The following CAMK1D variants were observed in gnomAD, a reference collection of about 807,000 sequenced individuals.
CAMK1D encodes calcium/calmodulin-dependent protein kinase type 1D.
Under a neutral mutation model 47.7 loss-of-function variants are expected in CAMK1D, and 9 were observed. The ratio of observed to expected loss-of-function variants is 0.19; its 90% CI spans 0.11 to 0.33. The LOEUF is 0.33. Ranked by LOEUF, CAMK1D falls within the 10% of genes least tolerant of loss-of-function variation. The probability of loss-of-function intolerance (pLI) is 1.00; values close to 1 mark genes in which losing one functional copy is unlikely to be tolerated. For synonymous variants in CAMK1D, 184 were observed against 184.9 expected (o/e 0.99, Z 0.04); for missense variants, 291 against 488.7 (o/e 0.60, Z 3.81).
chr10:12,762,464 T>G (rs1228324690), intron 4 of CAMK1D, among the ~76,000 whole-genome samples: 2 of 152,244 alleles, frequency 1.3e-5, no homozygotes, highest in Admixed American at 6.5e-5. Flanking sequence ...TTCTGCATGT[T>G]GTCATGTTCC....
chr10:12,752,421 G>A (rs979987738), intron 3 of CAMK1D, among the ~76,000 whole-genome samples: 1 of 152,164 alleles, frequency 6.6e-6, no homozygotes, highest in African/African-American at 2.4e-5. Context: ...CCTAGCATGT[G>A]GAATTATAGT....
At chr10:12,616,323 C>G (rs546949202) in intron 2 of CAMK1D, among the ~76,000 whole-genome samples, 1 of 152,270 alleles carries the variant, frequency 6.6e-6, no homozygotes, top group South Asian at 2.1e-4. Flanking sequence ...AGCGGGTTAT[C>G]TTGGACAGTA....
chr10:12,508,772 G>C (rs1050680260), intron 1 of CAMK1D, among the ~76,000 whole-genome samples: 1 of 152,154 alleles, frequency 6.6e-6, no homozygotes, highest in Non-Finnish European at 1.5e-5. Context: ...TGATAAAGCC[G>C]AGGGAGAGGG....
At chr10:12,469,108 G>T (rs1046231651) in intron 1 of CAMK1D, among the ~76,000 whole-genome samples, 1 of 152,214 alleles carries the variant, frequency 6.6e-6, no homozygotes, top group African/African-American at 2.4e-5. Flanking sequence ...AGGAAATGGG[G>T]TGAGGAGAGG....
At chr10:12,725,919 G>A (rs1278822488) in intron 3 of CAMK1D, among the ~76,000 whole-genome samples, 1 of 151,848 alleles carries the variant, frequency 6.6e-6, no homozygotes, top group African/African-American at 2.4e-5. Flanking sequence ...ATCACACCCA[G>A]CTAATTTTTG....
chr10:12,734,379 GATATAGATATAGATATAT>G (rs1835055239), intron 3 of CAMK1D, among the ~76,000 whole-genome samples: 1 of 45,560 alleles, frequency 2.2e-5, no homozygotes, highest in Admixed American at 3.0e-4. Flanking sequence ...TATATATATA[GATATAGATATAGATATAT>G]ATATATATAC....
chr10:12,520,950 G>C (rs1490628018), intron 1 of CAMK1D, among the ~76,000 whole-genome samples: 1 of 132,700 alleles, frequency 7.5e-6, no homozygotes, highest in Non-Finnish European at 1.6e-5. Flanking sequence ...GAGAGGGAGG[G>C]GGAGGGGGAG....
chr10:12,409,162 C>T (rs1306327917), intron 1 of CAMK1D, among the ~76,000 whole-genome samples: 2 of 152,024 alleles, frequency 1.3e-5, no homozygotes, highest in African/African-American at 4.8e-5. Flanking sequence ...CGGTTTTTGT[C>T]CATTTTTTAC....
chr10:12,449,827 C>A (rs1377531426), intron 1 of CAMK1D, among the ~76,000 whole-genome samples: 1 of 152,082 alleles, frequency 6.6e-6, no homozygotes, highest in East Asian at 1.9e-4. Flanking sequence ...GGCGAAACCC[C>A]ACCTCTACTA....
intron 1 of CAMK1D, among the ~76,000 whole-genome samples, chr10:12,361,455 C>T (rs2131841124): frequency 6.6e-6 from 1 of 151,510 alleles, no homozygotes; most frequent in South Asian, 2.1e-4. Flanking sequence ...CCATGTTGGC[C>T]AGGATGGTCT....
chr10:12,528,209 C>T (rs1455478573), intron 1 of CAMK1D, among the ~76,000 whole-genome samples: 1 of 152,094 alleles, frequency 6.6e-6, no homozygotes, highest in Non-Finnish European at 1.5e-5. Flanking sequence ...CTGTATGGCT[C>T]AAAAGTCCAC....
intron 3 of CAMK1D, among the ~76,000 whole-genome samples, chr10:12,739,197 C>G (rs1287356177): frequency 6.6e-6 from 1 of 151,422 alleles, no homozygotes; most frequent in Non-Finnish European, 1.5e-5. Context: ...TGATTGCGCC[C>G]CTGCACTCCA....
chr10:12,406,794 C>G (rs1166579733), intron 1 of CAMK1D, among the ~76,000 whole-genome samples: 1 of 150,562 alleles, frequency 6.6e-6, no homozygotes, highest in Non-Finnish European at 1.5e-5. Context: ...CCAAATCTCC[C>G]TGGGCATCCT....
intron 1 of CAMK1D, among the ~76,000 whole-genome samples, chr10:12,449,200 T>C (rs1335423323): frequency 6.6e-6 from 1 of 152,148 alleles, no homozygotes; most frequent in Non-Finnish European, 1.5e-5. Flanking sequence ...GAGGCCAACC[T>C]AGCAAGTTAC....
intron 2 of CAMK1D, among the ~76,000 whole-genome samples, chr10:12,562,380 A>G (rs561533316): frequency 2.6e-5 from 4 of 152,296 alleles, no homozygotes; most frequent in African/African-American, 9.6e-5. Context: ...TTTCCAACAC[A>G]TGAACTGTTG....
At chr10:12,600,438 T>G (rs1838268750) in intron 2 of CAMK1D, among the ~76,000 whole-genome samples, 1 of 152,228 alleles carries the variant, frequency 6.6e-6, no homozygotes. Flanking sequence ...TGGTTTGTTT[T>G]AACAGAATAT....
chr10:12,716,052 T>G (rs376698391), intron 3 of CAMK1D, among the ~76,000 whole-genome samples: 1 of 152,058 alleles, frequency 6.6e-6, no homozygotes, highest in East Asian at 1.9e-4. Flanking sequence ...AGTTATTGAG[T>G]GCTTGCTGTG....
chr10:12,378,850 G>A (rs1453207674), intron 1 of CAMK1D, among the ~76,000 whole-genome samples: 2 of 138,332 alleles, frequency 1.4e-5, no homozygotes, highest in African/African-American at 2.7e-5. Context: ...TTGCTCTGTC[G>A]CCTGGCTGGA....
intron 1 of CAMK1D, among the ~76,000 whole-genome samples, chr10:12,442,494 C>G (rs1832811957): frequency 6.6e-6 from 1 of 151,972 alleles, no homozygotes; most frequent in Non-Finnish European, 1.5e-5. Context: ...AACAAGCAAA[C>G]AAAAAAACTT....
Sources: gnomAD v4.1 joint callset for allele counts (sites outside exome capture counted in the v4.1 genomes callset) on GRCh38, gnomAD v4.1.1 for gene constraint, MANE v1.5 for transcripts, NCBI Gene and HGNC (gene_info 2026-07-23, HGNC 2026-07-21) for gene names.